Variants in LMLN observed in about 807,000 individuals in gnomAD.
The protein encoded by LMLN is leishmanolysin like peptidase.
In LMLN, 70 loss-of-function variants were observed where a neutral mutation model predicts 92.3. The ratio of observed to expected loss-of-function variants is 0.76; its 90% CI spans 0.63 to 0.92. The LOEUF is 0.92. Ranked by LOEUF, LMLN falls within the 40% of genes least tolerant of loss-of-function variation. The pLI, the probability that LMLN is intolerant of heterozygous loss-of-function variation, is 0.00. For synonymous variants in LMLN, 308 were observed against 296.2 expected, an observed-to-expected ratio of 1.04 and a Z score of -0.41; for missense variants, 691 against 814.6, an observed-to-expected ratio of 0.85 and a Z score of 1.85.
chr3:197,966,094 G>C (rs7616366), intron 1 of LMLN, among the ~76,000 whole-genome samples: 3,907 of 152,258 alleles, frequency 0.026, 161 homozygotes, highest in African/African-American at 0.087. Flanking sequence ...CCAGGCTGGA[G>C]TGCAGTGACA....
exon 16 of LMLN, chr3:198,039,796 C>G (rs1050599737): frequency 1.3e-5 from 2 of 152,088 alleles, no homozygotes; most frequent in African/African-American, 2.4e-5. Flanking sequence ...TCCTCAGAGC[C>G]CAGCTTCCAG....
Position 198,003,001 on chromosome 3 carries a change from G to C in LMLN, c.1232+3659G>C. The C allele has an allele frequency of 4.0e-6, 6 of 1,487,414 alleles. No individual in the cohort carries two copies. Among genetic ancestry groups the C allele is most frequent in the South Asian group, 1.2e-5 (1 of 81,342 alleles). The allele number at this position is 1,487,414 out of a possible 1,614,324, so 92.1% of individuals were successfully genotyped here. On this transcript the variant is annotated intron_variant, in intron 11 of 15. Transcript: ENST00000330198. Reference sequence around the variant, plus strand: ...GACAGCAGTAAAAATTGCTTTGTTTGAATTATTCCACAGCTGGTATAAAGC... The same window carrying C: ...GACAGCAGTAAAAATTGCTTTGTTTCAATTATTCCACAGCTGGTATAAAGC...
In LMLN at chr3:198,019,124, A is replaced by G. The variant is rs1419312294; in HGVS notation, c.1233-129A>G. On this transcript the variant is annotated intron_variant, in intron 11 of 15. Transcript: ENST00000330198. The surrounding 1 kb of genome is among the most constrained non-coding windows in gnomAD (Gnocchi z 5.5). ...GACATTGCCTCCATCTCTTTCCAAG[A>G]ATCCCATTTGTTAATTATGAAGGTT... 2.2e-6 allele frequency: 2 copies of G among 899,728 alleles called. No homozygotes were observed. The highest frequency in any genetic ancestry group is 1.7e-5 in the African/African-American group (1 of 59,110). The allele number at this position is 899,728 out of a possible 1,614,324, so 55.7% of individuals were successfully genotyped here.
intron 14 of LMLN, among the ~76,000 whole-genome samples, chr3:198,035,200 CAAAA>C (rs33926276): frequency 1.0e-5 from 1 of 96,578 alleles, no homozygotes; most frequent in Non-Finnish European, 2.1e-5. Context: ...GACCCCATCT[CAAAA>C]AAAAAAAAAA....
chr3:198,040,842 G>A (rs1305601107), exon 16 of LMLN: 1 of 126,128 alleles, frequency 7.9e-6, no homozygotes, highest in Non-Finnish European at 1.7e-5. Context: ...ACAACCCTCG[G>A]ACAGACTCCT....
At chr3:197,989,736 T>A (rs1007052270) in intron 8 of LMLN, among the ~76,000 whole-genome samples, 1 of 151,184 alleles carries the variant, frequency 6.6e-6, no homozygotes, top group Non-Finnish European at 1.5e-5. Context: ...AAAACACTTA[T>A]CAGGGCTAGG....
intron 9 of LMLN, chr3:197,994,833 G>A (rs1045653891): frequency 6.6e-6 from 1 of 152,234 alleles, no homozygotes; most frequent in Non-Finnish European, 1.5e-5. Flanking sequence ...ATTACCATAT[G>A]CTCCAACAAT....
intron 11 of LMLN, among the ~76,000 whole-genome samples, chr3:198,000,030 T>C (rs1722128589): frequency 2.0e-5 from 3 of 152,214 alleles, no homozygotes; most frequent in Non-Finnish European, 2.9e-5. Flanking sequence ...ACAATGGAAC[T>C]TTCAGGTAAA....
chr3:198,041,938 AATT>A (rs1723417864), exon 16 of LMLN: 1 of 152,222 alleles, frequency 6.6e-6, no homozygotes, highest in East Asian at 1.9e-4. Flanking sequence ...TTATTGATAT[AATT>A]ATATTTGCAC....
At chr3:197,970,877 A>G (rs1217490395) in intron 1 of LMLN, among the ~76,000 whole-genome samples, 2 of 152,158 alleles carry the variant, frequency 1.3e-5, no homozygotes, top group African/African-American at 4.8e-5. Context: ...ATTTCTTCCT[A>G]CAGAAACAGG....
At chr3:197,989,991 C>T (rs564617920) in intron 8 of LMLN, among the ~76,000 whole-genome samples, 10 of 152,368 alleles carry the variant, frequency 6.6e-5, no homozygotes, top group African/African-American at 2.2e-4. Context: ...CCTCTTGCCT[C>T]AGCCTCACGA....
intron 5 of LMLN, 90 bp from the exon 6 acceptor site, chr3:197,980,236 G>T: frequency 9.2e-7 from 1 of 1,081,316 alleles, no homozygotes. Context: ...ATTGTACTGT[G>T]TTTATAGTGT....
intron 14 of LMLN, among the ~76,000 whole-genome samples, 193 bp from the exon 16 acceptor site, chr3:198,035,640 G>A (rs1000415520): frequency 1.3e-5 from 2 of 152,074 alleles, no homozygotes; most frequent in Non-Finnish European, 2.9e-5. Context: ...GATTACAGGT[G>A]TGAGCCACCG....
chr3:197,985,291 C>A (rs1336817088), intron 7 of LMLN, among the ~76,000 whole-genome samples: 1 of 151,712 alleles, frequency 6.6e-6, no homozygotes, highest in African/African-American at 2.4e-5. Flanking sequence ...CGGTGGCTCT[C>A]GCCTGTAATC....
chr3:197,988,097 A>G lies in LMLN; in HGVS notation c.929+2207A>G, dbSNP rs148242455. Among the ~76,000 whole-genome samples, 561 of 151,656 alleles carry G rather than the reference A, an allele frequency of 3.7e-3. 2 individuals carry two copies. The highest frequency in any genetic ancestry group is 6.9e-3 in the Non-Finnish European group (466 of 67,896). On this transcript the variant is annotated intron_variant, in intron 8 of 15. Transcript: ENST00000330198. ...CCTAGTTTATCTTTTTATTTCATTT[A>G]TCATGCTTTTGCCATGTATAGAAAA...
intron 11 of LMLN, among the ~76,000 whole-genome samples, chr3:198,002,693 G>A (rs769678611): frequency 2.0e-5 from 3 of 152,210 alleles, no homozygotes; most frequent in Non-Finnish European, 2.9e-5. Context: ...AGCTGGGATC[G>A]TGCCACTGCA....
chr3:197,990,571 T>C, exon 9 of LMLN: 1 of 1,482,594 alleles, frequency 6.7e-7, no homozygotes. Flanking sequence ...TGGGATTATA[T>C]CAATGGAGTG....
chr3:198,017,624 T>A (rs533659276), intron 11 of LMLN, among the ~76,000 whole-genome samples: 162 of 152,180 alleles, frequency 1.1e-3, no homozygotes, highest in African/African-American at 3.7e-3. Context: ...CCATTTAAAA[T>A]TTAGTTCCTC....
chr3:198,033,622 G>A (rs748385439), intron 14 of LMLN, among the ~76,000 whole-genome samples: 5 of 152,036 alleles, frequency 3.3e-5, no homozygotes, highest in East Asian at 1.9e-4. Flanking sequence ...GGCTGGTCTC[G>A]AACTCCTGAC....
Sources: allele counts gnomAD v4.1 joint callset (sites outside exome capture counted in the v4.1 genomes callset), GRCh38; gene constraint gnomAD v4.1.1; non-coding constraint Gnocchi (gnomAD v3.1); transcripts MANE v1.5; gene names NCBI Gene and HGNC (gene_info 2026-07-23, HGNC 2026-07-21).